The following RASAL2 variants were observed in gnomAD, a reference collection of about 807,000 sequenced individuals.
The protein encoded by RASAL2 is ras GTPase-activating protein nGAP.
Under a neutral mutation model 128.9 loss-of-function variants are expected in RASAL2, and 58 were observed. That is an observed-to-expected ratio of 0.45 (90% CI 0.36 to 0.56). RASAL2 has a LOEUF of 0.56. RASAL2 is among the 20% of genes least tolerant of loss of function. The probability of loss-of-function intolerance (pLI) is 0.00; values close to 1 mark genes in which losing one functional copy is unlikely to be tolerated. For synonymous variants in RASAL2, 561 were observed against 580.8 expected, an observed-to-expected ratio of 0.97 and a Z score of 0.49; for missense variants, 1,360 against 1,601.6, an observed-to-expected ratio of 0.85 and a Z score of 2.57.
chr1:178,396,609 A>G (rs989289022), intron 4 of RASAL2, among the ~76,000 whole-genome samples: 95 of 152,124 alleles, frequency 6.2e-4, no homozygotes, highest in African/African-American at 2.2e-3. Context: ...AAGGTATGAG[A>G]ATTGCTGGTA....
chr1:178,459,290 A>G (rs1678006454), intron 14 of RASAL2, among the ~76,000 whole-genome samples: 1 of 152,092 alleles, frequency 6.6e-6, no homozygotes, highest in Admixed American at 6.5e-5. Context: ...TGAAGCATCA[A>G]TACATATTTT....
At chr1:178,412,219 G>C (rs893567724) in intron 4 of RASAL2, among the ~76,000 whole-genome samples, 5 of 152,102 alleles carry the variant, frequency 3.3e-5, no homozygotes, top group Non-Finnish European at 7.4e-5. Context: ...AGTTCTTAAT[G>C]AATAAAGGAA....
chr1:178,373,934 A>G (rs1036865875), intron 3 of RASAL2, among the ~76,000 whole-genome samples: 1 of 152,124 alleles, frequency 6.6e-6, no homozygotes, highest in African/African-American at 2.4e-5. Context: ...TCAATTCCCG[A>G]TTATCCACCC....
At chr1:178,097,632 A>G (rs556381562) in intron 1 of RASAL2, among the ~76,000 whole-genome samples, 1 of 152,336 alleles carries the variant, frequency 6.6e-6, no homozygotes, top group African/African-American at 2.4e-5. Flanking sequence ...AGGTAGGATA[A>G]TAATAAGGAA....
At chr1:178,253,156 T>C (rs1665133991) in intron 1 of RASAL2, among the ~76,000 whole-genome samples, 1 of 152,164 alleles carries the variant, frequency 6.6e-6, no homozygotes, top group Non-Finnish European at 1.5e-5. Context: ...CAGTCTTTGG[T>C]GTTTCTTGGC....
At chr1:178,350,732 G>A (rs918270532) in intron 3 of RASAL2, among the ~76,000 whole-genome samples, 1 of 152,172 alleles carries the variant, frequency 6.6e-6, no homozygotes, top group Non-Finnish European at 1.5e-5. Flanking sequence ...CTGTTGGCAA[G>A]GAGTCACTCC....
At chr1:178,132,322 G>A (rs1660151537) in intron 1 of RASAL2, among the ~76,000 whole-genome samples, 1 of 151,576 alleles carries the variant, frequency 6.6e-6, no homozygotes, top group Non-Finnish European at 1.5e-5. Flanking sequence ...CTCCCAAAGC[G>A]CTGGGATTAT....
intron 1 of RASAL2, among the ~76,000 whole-genome samples, chr1:178,143,947 TATATC>T (rs1014353770): frequency 4.6e-5 from 7 of 152,164 alleles, no homozygotes; most frequent in African/African-American, 1.4e-4. Context: ...TCATAAGTGT[TATATC>T]ATAAGTGGTG....
chr1:178,401,855 C>T (rs970952475), intron 4 of RASAL2, among the ~76,000 whole-genome samples: 1 of 152,070 alleles, frequency 6.6e-6, no homozygotes, highest in African/African-American at 2.4e-5. Context: ...CTTTTCTGAT[C>T]ATAAGATTTA....
chr1:178,212,490 CT>C (rs577661067), intron 1 of RASAL2, among the ~76,000 whole-genome samples: 4 of 151,342 alleles, frequency 2.6e-5, no homozygotes, highest in Middle Eastern at 3.4e-3. Flanking sequence ...ACTTCTAACT[CT>C]TTTTTTTTCT....
At chr1:178,361,234 A>G (rs925325351) in intron 3 of RASAL2, among the ~76,000 whole-genome samples, 1 of 152,220 alleles carries the variant, frequency 6.6e-6, no homozygotes, top group Admixed American at 6.5e-5. Context: ...CGAATTTACA[A>G]CAGATTCAAA....
intron 1 of RASAL2, among the ~76,000 whole-genome samples, chr1:178,168,840 T>G (rs1661605616): frequency 6.6e-6 from 1 of 152,136 alleles, no homozygotes; most frequent in African/African-American, 2.4e-5. Flanking sequence ...CCGAGTGTTT[T>G]GCAGCTCCTA....
chr1:178,326,118 C>G (rs1220749262), intron 3 of RASAL2, among the ~76,000 whole-genome samples: 1 of 151,884 alleles, frequency 6.6e-6, no homozygotes, highest in Non-Finnish European at 1.5e-5. Context: ...GACCCTGCCT[C>G]TAAAAATAAA....
intron 1 of RASAL2, among the ~76,000 whole-genome samples, chr1:178,244,883 G>A (rs1207909548): frequency 4.6e-5 from 7 of 152,060 alleles, no homozygotes; most frequent in African/African-American, 1.2e-4. Context: ...AACTTCATCC[G>A]TGTCCCTCCA....
At chr1:178,357,424 A>G (rs769191790) in intron 3 of RASAL2, among the ~76,000 whole-genome samples, 29 of 150,476 alleles carry the variant, frequency 1.9e-4, no homozygotes, top group Non-Finnish European at 3.4e-4. Flanking sequence ...CTAAATGTCT[A>G]TATGTCTTTT....
intron 1 of RASAL2, among the ~76,000 whole-genome samples, chr1:178,230,122 T>C (rs1663942569): frequency 6.6e-6 from 1 of 152,224 alleles, no homozygotes; most frequent in South Asian, 2.1e-4. Flanking sequence ...CCTCATTGTT[T>C]TGTGAATGAG....
intron 1 of RASAL2, among the ~76,000 whole-genome samples, chr1:178,118,216 G>A (rs113140306): frequency 0.021 from 3,164 of 151,874 alleles, 97 homozygotes; most frequent in African/African-American, 0.069. Context: ...TAGAGCAGTG[G>A]TTCTCAACCT....
At chr1:178,412,124 T>C (rs1393519800) in intron 4 of RASAL2, among the ~76,000 whole-genome samples, 1 of 152,012 alleles carries the variant, frequency 6.6e-6, no homozygotes, top group Non-Finnish European at 1.5e-5. Flanking sequence ...CAAGGAATTA[T>C]GAAGCTAGGG....
At chr1:178,204,594 A>C (rs148102493) in intron 1 of RASAL2, among the ~76,000 whole-genome samples, 1 of 152,378 alleles carries the variant, frequency 6.6e-6, no homozygotes, top group East Asian at 1.9e-4. Flanking sequence ...GGAATTAAAT[A>C]ACTGAAAGAT....
Sources: allele counts gnomAD v4.1 joint callset (sites outside exome capture counted in the v4.1 genomes callset), GRCh38; gene constraint gnomAD v4.1.1; transcripts MANE v1.5; gene names NCBI Gene and HGNC (gene_info 2026-07-23, HGNC 2026-07-21).